The following TSPAN11 variants were observed in gnomAD, a reference collection of about 807,000 sequenced individuals.
TSPAN11 encodes the protein tetraspanin 11.
TSPAN11 carries 29 observed loss-of-function variants against 32.9 expected under a neutral mutation model. That is an observed-to-expected ratio of 0.88 (90% CI 0.66 to 1.20). TSPAN11 has a LOEUF of 1.20. Ranked by LOEUF, TSPAN11 falls within the 50% of genes most tolerant of loss-of-function variation. The probability of loss-of-function intolerance (pLI) is 0.00; values close to 1 mark genes in which losing one functional copy is unlikely to be tolerated. For synonymous variants in TSPAN11, 140 were observed against 141.3 expected, an observed-to-expected ratio of 0.99 and a Z score of 0.07; for missense variants, 283 against 329.1, an observed-to-expected ratio of 0.86 and a Z score of 1.08.
chr12:30,965,977 C>T lies in TSPAN11; in HGVS notation c.276+1960C>T, dbSNP rs892110738. Among the ~76,000 whole-genome samples the T allele has an allele frequency of 2.0e-5, 3 of 151,936 alleles. No homozygotes were observed. In the East Asian group the frequency reaches 5.8e-4, roughly 29 times the overall value. On this transcript the variant is annotated intron_variant, in intron 3 of 7. Coordinates refer to ENST00000546076, the MANE Select transcript of TSPAN11 (RefSeq NM_001370302.1). The stretch of plus-strand genomic sequence containing the variant: ...GGACAGCTTTGAATGCGGCCCAACA[C>T]AAATCCGTAAACTTTCTCAAAACAT...
chr12:30,932,148 C>G (rs1224194084), intron 1 of TSPAN11, among the ~76,000 whole-genome samples: 2 of 151,904 alleles, frequency 1.3e-5, no homozygotes, highest in African/African-American at 2.4e-5. Flanking sequence ...GGAAAAGATA[C>G]CATTAAAGTT....
chr12:30,930,631 A>C (rs889818342), intron 1 of TSPAN11, among the ~76,000 whole-genome samples: 2 of 152,222 alleles, frequency 1.3e-5, no homozygotes, highest in African/African-American at 4.8e-5. Flanking sequence ...GCCTAAGCTG[A>C]ACTCAGAAGA....
At chr12:30,974,199 G>T (rs1017024628) in intron 3 of TSPAN11, among the ~76,000 whole-genome samples, 54 of 152,196 alleles carry the variant, frequency 3.5e-4, no homozygotes, top group African/African-American at 1.3e-3. Flanking sequence ...TCTTATTTTT[G>T]TGGCTCCCAC....
At chr12:30,967,946 T>C (rs1204647927) in intron 3 of TSPAN11, among the ~76,000 whole-genome samples, 5 of 152,062 alleles carry the variant, frequency 3.3e-5, no homozygotes, top group Non-Finnish European at 7.4e-5. Flanking sequence ...ACTTGATTGT[T>C]TAAACCAAGA....
At chr12:30,930,283 C>T (rs1937894049) in intron 1 of TSPAN11, among the ~76,000 whole-genome samples, 1 of 152,150 alleles carries the variant, frequency 6.6e-6, no homozygotes, top group Non-Finnish European at 1.5e-5. Flanking sequence ...GCATTAAGGA[C>T]CCAGCCCCCG....
intron 1 of TSPAN11, among the ~76,000 whole-genome samples, chr12:30,928,137 G>A (rs1448746411): frequency 1.3e-5 from 2 of 152,138 alleles, no homozygotes; most frequent in African/African-American, 4.8e-5. Context: ...AATATGTACA[G>A]GCCTGTGTGA....
In TSPAN11 at chr12:30,944,743, A is replaced by G. The variant is rs1377734146; in HGVS notation, c.-11-9238A>G. Among the ~76,000 whole-genome samples, 8 of 152,382 alleles carry G rather than the reference A, an allele frequency of 5.2e-5. No homozygotes were observed. In the South Asian group the frequency reaches 1.2e-3, roughly 24 times the overall value. The stretch of plus-strand genomic sequence containing the variant: ...TTGTGACAATATGGTTGAACCTGGA[A>G]GACATTATTTAAAGTGAAATATGCC... On this transcript the variant is annotated intron_variant, in intron 1 of 7. Transcript: ENST00000546076.
downstream of TSPAN11, among the ~76,000 whole-genome samples, chr12:31,000,701 GAT>G (rs1939469672): frequency 1.3e-5 from 2 of 152,210 alleles, no homozygotes; most frequent in African/African-American, 4.8e-5. Flanking sequence ...CGGCTGATAA[GAT>G]AGTTTTTGTC....
At chr12:30,938,048 A>T (rs1181126845) in intron 1 of TSPAN11, among the ~76,000 whole-genome samples, 1 of 152,230 alleles carries the variant, frequency 6.6e-6, no homozygotes, top group East Asian at 1.9e-4. Flanking sequence ...GGGTTGGGGA[A>T]TGCAGTCACT....
chr12:30,988,938 A>C (rs529496216), intron 7 of TSPAN11, among the ~76,000 whole-genome samples: 39 of 152,340 alleles, frequency 2.6e-4, no homozygotes, highest in African/African-American at 8.9e-4. Flanking sequence ...AATTTCTAGA[A>C]TATTCTGGCT....
chr12:31,005,586 G>A, the TSPAN11 span, among the ~76,000 whole-genome samples: 2 of 152,216 alleles, frequency 1.3e-5, no homozygotes, highest in African/African-American at 4.8e-5. Context: ...AGGTCTCCCT[G>A]TGCCGACAAC....
At chr12:30,982,498 C>G in intron 5 of TSPAN11, 34 bp from the exon 6 acceptor site, 2 of 1,588,114 alleles carry the variant, frequency 1.3e-6, no homozygotes, top group African/African-American at 1.3e-5. Flanking sequence ...GCAGGCCTCT[C>G]ACCTCCAGCC....
chr12:30,964,565 G>A (rs1379618743), intron 3 of TSPAN11, among the ~76,000 whole-genome samples: 4 of 151,792 alleles, frequency 2.6e-5, no homozygotes, highest in Non-Finnish European at 4.4e-5. Flanking sequence ...TCTCATAGCC[G>A]ATCTTGGTTC....
chr12:30,951,776 C>A (rs1938387938), intron 1 of TSPAN11, among the ~76,000 whole-genome samples: 2 of 152,162 alleles, frequency 1.3e-5, no homozygotes, highest in Non-Finnish European at 2.9e-5. Context: ...GGTACTGACA[C>A]TTCTTTGGAG....
the TSPAN11 span, among the ~76,000 whole-genome samples, chr12:31,002,929 G>T: frequency 1.3e-5 from 2 of 152,206 alleles, no homozygotes; most frequent in Non-Finnish European, 1.5e-5. This position sits in a 1 kb window ranked among gnomAD's most constrained non-coding sequence, Gnocchi z 4.8. Flanking sequence ...GCTGCGGGCT[G>T]TGGGGAGGAG....
At chr12:30,937,689 G>A (rs1032363432) in intron 1 of TSPAN11, among the ~76,000 whole-genome samples, 1 of 152,210 alleles carries the variant, frequency 6.6e-6, no homozygotes, top group African/African-American at 2.4e-5. Context: ...TGGTCTCAAA[G>A]TGTGGTCCCC....
chr12:30,964,946 T>C (rs1938698425), intron 3 of TSPAN11, among the ~76,000 whole-genome samples: 1 of 152,122 alleles, frequency 6.6e-6, no homozygotes. Context: ...GTGGGACAGG[T>C]GTGCTGAGAG....
chr12:30,972,505 G>A (rs562030044), intron 3 of TSPAN11, among the ~76,000 whole-genome samples: 189 of 152,214 alleles, frequency 1.2e-3, no homozygotes, highest in African/African-American at 4.4e-3. Context: ...ATGGGGTTGG[G>A]GTAGGGAATT....
chr12:31,006,968 C>T, the TSPAN11 span, among the ~76,000 whole-genome samples: 1 of 152,208 alleles, frequency 6.6e-6, no homozygotes, highest in Non-Finnish European at 1.5e-5. Flanking sequence ...TCTACCCGCA[C>T]TTGCACGCTG....
Sources: allele counts gnomAD v4.1 joint callset (sites outside exome capture counted in the v4.1 genomes callset), GRCh38; gene constraint gnomAD v4.1.1; non-coding constraint Gnocchi (gnomAD v3.1); transcripts MANE v1.5; gene names NCBI Gene and HGNC (gene_info 2026-07-23, HGNC 2026-07-21).